Variants in RTN1 observed in about 807,000 individuals in gnomAD.
RTN1 encodes reticulon 1.
Under a neutral mutation model 65.5 loss-of-function variants are expected in RTN1, and 25 were observed. That is an observed-to-expected ratio of 0.38 (90% CI 0.28 to 0.53). The LOEUF is 0.53. Ranked by LOEUF, RTN1 falls within the 20% of genes least tolerant of loss-of-function variation. The probability of loss-of-function intolerance (pLI) is 0.79; values close to 1 mark genes in which losing one functional copy is unlikely to be tolerated. For synonymous variants in RTN1, 471 were observed against 447.6 expected (o/e 1.05, Z -0.66); for missense variants, 983 against 1,025.4 (o/e 0.96, Z 0.57).
chr14:59,664,885 A>G (rs1427822238), intron 3 of RTN1, among the ~76,000 whole-genome samples: 1 of 152,166 alleles, frequency 6.6e-6, no homozygotes, highest in Non-Finnish European at 1.5e-5. Context: ...TCACAGGATA[A>G]TTATATGTTT....
intron 3 of RTN1, among the ~76,000 whole-genome samples, chr14:59,677,937 C>A (rs1883661192): frequency 6.6e-6 from 1 of 152,204 alleles, no homozygotes. Flanking sequence ...TTAGAACAGT[C>A]CCCTAAAATA....
chr14:59,726,788 A>C, intron 3 of RTN1, 131 bp downstream of exon 3: 2 of 778,854 alleles, frequency 2.6e-6, no homozygotes, highest in East Asian at 5.4e-5. Context: ...TCCCCCCTGG[A>C]ACCGTTCTCT....
chr14:59,694,065 T>C (rs1566687870), intron 3 of RTN1, among the ~76,000 whole-genome samples: 1 of 152,168 alleles, frequency 6.6e-6, no homozygotes, highest in South Asian at 2.1e-4. Flanking sequence ...AATGTTCCAT[T>C]TGGGTTCTGA....
chr14:59,809,338 C>T (rs1886688731), intron 1 of RTN1, among the ~76,000 whole-genome samples: 1 of 152,056 alleles, frequency 6.6e-6, no homozygotes, highest in Admixed American at 6.6e-5. Context: ...CCATTCCATG[C>T]ATCCTAGATT....
rs113453078 is a variant in RTN1 at position 59,689,984 on chromosome 14, CTT to C, written c.1765+36933_1765+36934del. Among the ~76,000 whole-genome samples, 169 of 148,196 alleles carry C rather than the reference CTT, an allele frequency of 1.1e-3. 1 individual carries two copies. Among genetic ancestry groups the C allele is most frequent in the East Asian group, 1.8e-3 (9 of 5,062 alleles). On this transcript the variant is annotated intron_variant, in intron 3 of 8. Coordinates refer to ENST00000267484, the MANE Select transcript of RTN1 (RefSeq NM_021136.3). ...CAATATTAATCTTGAATGTAATTTCCTTTTTTTTTTTTTGGTAGAGATGGGAT... is the reference window on the plus strand; with the variant it reads ...CAATATTAATCTTGAATGTAATTTCCTTTTTTTTTTTGGTAGAGATGGGAT...
At chr14:59,663,438 T>C (rs1883294788) in intron 3 of RTN1, among the ~76,000 whole-genome samples, 1 of 152,034 alleles carries the variant, frequency 6.6e-6, no homozygotes, top group African/African-American at 2.4e-5. Flanking sequence ...ACTTCATGAC[T>C]AAAACACCAA....
intron 1 of RTN1, among the ~76,000 whole-genome samples, chr14:59,820,379 T>TTTG (rs56248047): frequency 7.3e-6 from 1 of 137,916 alleles, no homozygotes; most frequent in African/African-American, 2.8e-5. Flanking sequence ...TTTTTTTTTT[T>TTTG]GCTGTGCAGA....
intron 3 of RTN1, among the ~76,000 whole-genome samples, chr14:59,622,135 AGACCAG>A (rs1882271474): frequency 6.6e-6 from 1 of 152,180 alleles, no homozygotes; most frequent in Non-Finnish European, 1.5e-5. Context: ...CAAGAGTTTG[AGACCAG>A]CCTGGCCAAC....
chr14:59,801,734 G>A (rs1886549787), intron 1 of RTN1, among the ~76,000 whole-genome samples: 1 of 152,074 alleles, frequency 6.6e-6, no homozygotes, highest in Non-Finnish European at 1.5e-5. Flanking sequence ...AGGAGGAATG[G>A]AAGTATACTC....
At chr14:59,602,999 T>A in intron 8 of RTN1, 66 bp downstream of exon 8, 4 of 1,302,948 alleles carry the variant, frequency 3.1e-6, no homozygotes, top group South Asian at 1.2e-5. Flanking sequence ...ATTACCCCTA[T>A]CCTAATCCAC....
At chr14:59,689,236 T>C (rs1883907966) in intron 3 of RTN1, among the ~76,000 whole-genome samples, 1 of 152,166 alleles carries the variant, frequency 6.6e-6, no homozygotes, top group African/African-American at 2.4e-5. Flanking sequence ...ACCAGTCTTT[T>C]TAACTAACAC....
At chr14:59,755,571 C>G (rs1885621820) in intron 1 of RTN1, among the ~76,000 whole-genome samples, 1 of 152,170 alleles carries the variant, frequency 6.6e-6, no homozygotes, top group Admixed American at 6.5e-5. Context: ...CACTCCTACT[C>G]ATCTTTTCTA....
intron 3 of RTN1, among the ~76,000 whole-genome samples, chr14:59,619,216 T>C (rs1882190641): frequency 6.6e-6 from 1 of 152,104 alleles, no homozygotes; most frequent in Non-Finnish European, 1.5e-5. Flanking sequence ...CAAAGCTGGG[T>C]GACTGAGTAA....
chr14:59,683,465 G>A (rs1883784017), intron 3 of RTN1, among the ~76,000 whole-genome samples: 1 of 148,172 alleles, frequency 6.7e-6, no homozygotes, highest in African/African-American at 2.5e-5. Context: ...AAAAAAAAAA[G>A]CTTAGTTAGA....
chr14:59,791,750 A>C (rs1886352496), intron 1 of RTN1, among the ~76,000 whole-genome samples: 1 of 152,104 alleles, frequency 6.6e-6, no homozygotes, highest in South Asian at 2.1e-4. Context: ...CCGCTAAATC[A>C]CCAATTAGTA....
At chr14:59,703,679 T>C (rs1955257282) in intron 3 of RTN1, among the ~76,000 whole-genome samples, 1 of 152,234 alleles carries the variant, frequency 6.6e-6, no homozygotes, top group African/African-American at 2.4e-5. Context: ...GTAAGTTCCG[T>C]GAGAGCACAA....
At chr14:59,630,172 T>A (rs924256979) in intron 3 of RTN1, among the ~76,000 whole-genome samples, 1 of 131,950 alleles carries the variant, frequency 7.6e-6, no homozygotes, top group Non-Finnish European at 1.5e-5. Flanking sequence ...CCAAAAGAAC[T>A]CCCGGAGGAG....
At chr14:59,830,790 G>A (rs913845561) in intron 1 of RTN1, among the ~76,000 whole-genome samples, 2 of 152,110 alleles carry the variant, frequency 1.3e-5, no homozygotes, top group African/African-American at 4.8e-5. Flanking sequence ...TGGTTTTAAG[G>A]AGTAAATGAG....
intron 1 of RTN1, among the ~76,000 whole-genome samples, chr14:59,865,136 A>G (rs1887776438): frequency 6.6e-6 from 1 of 152,192 alleles, no homozygotes; most frequent in Non-Finnish European, 1.5e-5. Flanking sequence ...TTTCTGAACA[A>G]TATATTCATT....
Sources: gnomAD v4.1 joint callset for allele counts (sites outside exome capture counted in the v4.1 genomes callset) on GRCh38, gnomAD v4.1.1 for gene constraint, MANE v1.5 for transcripts, NCBI Gene and HGNC (gene_info 2026-07-23, HGNC 2026-07-21) for gene names.